SYT6: variants seen among roughly 807,000 people sequenced by gnomAD.
SYT6 encodes the protein synaptotagmin-6.
A neutral mutation model predicts 38.4 loss-of-function variants in SYT6; 24 were observed. The observed-to-expected ratio is 0.62, with a 90% CI of 0.45 to 0.88. The LOEUF (loss-of-function observed/expected upper bound fraction) is 0.88. SYT6 is among the 40% of genes least tolerant of loss of function. The pLI, the probability that SYT6 is intolerant of heterozygous loss-of-function variation, is 0.00. For synonymous variants in SYT6, 265 were observed against 241.9 expected, an observed-to-expected ratio of 1.10 and a Z score of -0.89; for missense variants, 611 against 621.0, an observed-to-expected ratio of 0.98 and a Z score of 0.17.
intron 3 of SYT6, among the ~76,000 whole-genome samples, chr1:114,105,877 T>C (rs1676278854): frequency 6.6e-6 from 1 of 152,184 alleles, no homozygotes; most frequent in Non-Finnish European, 1.5e-5. Context: ...CATCCACTTG[T>C]TCATTTTTGT....
At chr1:114,147,007 C>G (rs1416263975) in intron 1 of SYT6, among the ~76,000 whole-genome samples, 1 of 152,182 alleles carries the variant, frequency 6.6e-6, no homozygotes, top group Admixed American at 6.5e-5. Flanking sequence ...CAATTTGAAA[C>G]AGTCCTTAGT....
intron 3 of SYT6, among the ~76,000 whole-genome samples, chr1:114,132,948 A>T (rs1029535157): frequency 6.6e-6 from 1 of 152,194 alleles, no homozygotes; most frequent in Non-Finnish European, 1.5e-5. Context: ...CTAGAATGCA[A>T]TTCAGGTTGG....
At chr1:114,122,870 C>T (rs1677502225) in intron 3 of SYT6, among the ~76,000 whole-genome samples, 1 of 130,178 alleles carries the variant, frequency 7.7e-6, no homozygotes, top group Non-Finnish European at 1.7e-5. Context: ...AAGGTTGGTT[C>T]TCAAAATTTT....
rs995245657 is a variant in SYT6 at position 114,091,308 on chromosome 1, A to C, written c.*826T>G. 6.5e-6 allele frequency: 1 copy of C among 152,734 alleles called. No homozygotes were observed. Among genetic ancestry groups the C allele is most frequent in the Non-Finnish European group, 1.5e-5 (1 of 68,044 alleles). The allele number at this position is 152,734 out of a possible 1,614,324, so 9.5% of individuals were successfully genotyped here. Reference sequence around the variant, plus strand: ...GCATCAGAAAACATATGGCGTGTTTAGTTTCGGCTGAACTGAATCATTCCT... The same window carrying C: ...GCATCAGAAAACATATGGCGTGTTTCGTTTCGGCTGAACTGAATCATTCCT... On this transcript the variant is annotated 3_prime_UTR_variant, in exon 8 of 8. Transcript: ENST00000610222.
chr1:114,139,612 C>T lies in SYT6; in HGVS notation c.512+3G>A. 2 of 1,613,986 alleles carry T rather than the reference C, an allele frequency of 1.2e-6. No individual in the cohort carries two copies. Among genetic ancestry groups the T allele is most frequent in the Non-Finnish European group, 1.7e-6 (2 of 1,179,962 alleles). On this transcript the variant is annotated splice_donor_region_variant and intron_variant, in intron 2 of 7. Coordinates refer to ENST00000610222, the MANE Select transcript of SYT6 (RefSeq NM_001253772.2). ...TCAGGGAAGGGAGTGGTCCACTCCT[C>T]ACCTGGTGGATGACGCTGGCTCTGT...
At chr1:114,130,029 G>T (rs925965492) in intron 3 of SYT6, among the ~76,000 whole-genome samples, 1 of 151,888 alleles carries the variant, frequency 6.6e-6, no homozygotes, top group African/African-American at 2.4e-5. Flanking sequence ...CCACTGCAGG[G>T]TCTTTTCTCT....
chr1:114,119,846 C>A (rs909003848), intron 3 of SYT6, among the ~76,000 whole-genome samples: 4 of 152,086 alleles, frequency 2.6e-5, no homozygotes, highest in African/African-American at 9.7e-5. Flanking sequence ...CGGAGGCAGG[C>A]GGATCACGAG....
At chr1:114,106,954 G>GA (rs1676361023) in intron 3 of SYT6, among the ~76,000 whole-genome samples, 1 of 152,212 alleles carries the variant, frequency 6.6e-6, no homozygotes, top group Non-Finnish European at 1.5e-5. Flanking sequence ...AATGCTTGCA[G>GA]AAAGGGGTGC....
At chr1:114,123,748 A>C (rs1448917954) in intron 3 of SYT6, among the ~76,000 whole-genome samples, 1 of 152,160 alleles carries the variant, frequency 6.6e-6, no homozygotes, top group Admixed American at 6.5e-5. Flanking sequence ...TGGTAATATA[A>C]AAAAGAACTT....
At chr1:114,106,014 A>G (rs575612247) in intron 3 of SYT6, among the ~76,000 whole-genome samples, 5 of 152,260 alleles carry the variant, frequency 3.3e-5, no homozygotes, top group African/African-American at 1.2e-4. Flanking sequence ...TGGAGTCCCC[A>G]TCTCACTCAG....
chr1:114,153,823 C>A lies in SYT6; in HGVS notation c.-51G>T. ...CAGCAGCTCGAACCCGCGCCCCGGCCGCACTGGGGCGGGGCACGACGGCCC... is the reference window on the plus strand; with the variant it reads ...CAGCAGCTCGAACCCGCGCCCCGGCAGCACTGGGGCGGGGCACGACGGCCC... On this transcript the variant is annotated 5_prime_UTR_variant, in exon 1 of 8. Transcript: ENST00000610222. The A allele has an allele frequency of 1.7e-6, 1 of 592,190 alleles. No homozygotes were observed. The highest frequency in any genetic ancestry group is 2.9e-6 in the Non-Finnish European group (1 of 340,812). 36.7% of individuals were successfully genotyped at this position (592,190 alleles called of 1,614,324 possible).
At chr1:114,111,086 C>T (rs1051716023) in intron 3 of SYT6, among the ~76,000 whole-genome samples, 2 of 152,134 alleles carry the variant, frequency 1.3e-5, no homozygotes, top group Admixed American at 6.5e-5. Flanking sequence ...TTTTAGGAGT[C>T]GGCATGAAAA....
Position 114,110,961 on chromosome 1 carries a change from C to T in SYT6, c.1072-7240G>A, listed in dbSNP as rs530760787. Among the ~76,000 whole-genome samples, 6 of 152,338 alleles carry T rather than the reference C, an allele frequency of 3.9e-5. No individual in the cohort carries two copies. The South Asian group carries it at 1.2e-3, about 32-fold the overall frequency. The stretch of plus-strand genomic sequence containing the variant: ...TCACACTTGTTTTGTAGTTGGAAAG[C>T]CTCTTCTTCAAATGAAGTATCATCC... On this transcript the variant is annotated intron_variant, in intron 3 of 7. Transcript: ENST00000610222.
At chr1:114,104,838 C>T (rs1330784149) in intron 3 of SYT6, among the ~76,000 whole-genome samples, 2 of 152,016 alleles carry the variant, frequency 1.3e-5, no homozygotes, top group East Asian at 3.9e-4. Context: ...AAAATTCCAC[C>T]TTTTATTTTA....
At chr1:114,122,663 C>G (rs1677486259) in intron 3 of SYT6, among the ~76,000 whole-genome samples, 1 of 152,148 alleles carries the variant, frequency 6.6e-6, no homozygotes, top group South Asian at 2.1e-4. Context: ...AAAAATTCTC[C>G]AAATAGGGTT....
chr1:114,125,303 G>A (rs1189086769), intron 3 of SYT6, among the ~76,000 whole-genome samples: 1 of 152,166 alleles, frequency 6.6e-6, no homozygotes, highest in Non-Finnish European at 1.5e-5. Flanking sequence ...GCCTGTGCTG[G>A]CCAGACATGG....
chr1:114,130,254 T>G (rs1678070205), intron 3 of SYT6, among the ~76,000 whole-genome samples: 1 of 151,662 alleles, frequency 6.6e-6, no homozygotes, highest in African/African-American at 2.4e-5. Context: ...ACTATTTATC[T>G]TAGTCATTTG....
At chr1:114,118,013 C>G (rs1373130074) in intron 3 of SYT6, among the ~76,000 whole-genome samples, 1 of 152,178 alleles carries the variant, frequency 6.6e-6, no homozygotes, top group East Asian at 1.9e-4. Context: ...GGCCTCTGGC[C>G]GCTAGTGGGT....
intron 3 of SYT6, among the ~76,000 whole-genome samples, chr1:114,137,176 G>T (rs1678528804): frequency 6.6e-6 from 1 of 152,208 alleles, no homozygotes. Context: ...GATTGATATG[G>T]CCTGTTTCAA....
Sources: gnomAD v4.1 joint callset for allele counts (sites outside exome capture counted in the v4.1 genomes callset) on GRCh38, gnomAD v4.1.1 for gene constraint, MANE v1.5 for transcripts, NCBI Gene and HGNC (gene_info 2026-07-23, HGNC 2026-07-21) for gene names.